Variants in RAB11FIP4 observed in about 807,000 individuals in gnomAD.
RAB11FIP4 encodes the protein rab11 family-interacting protein 4.
In RAB11FIP4, 23 loss-of-function variants were observed where a neutral mutation model predicts 74.3. The ratio of observed to expected loss-of-function variants is 0.31; its 90% CI spans 0.22 to 0.44. RAB11FIP4 has a LOEUF of 0.44. RAB11FIP4 is among the 20% of genes least tolerant of loss of function. The pLI is 1.00. For synonymous variants in RAB11FIP4, 360 were observed against 359.9 expected (o/e 1.00, Z 0.00); for missense variants, 630 against 863.9 (o/e 0.73, Z 3.39).
chr17:31,505,546 A>AT (rs58009598), intron 3 of RAB11FIP4, among the ~76,000 whole-genome samples: 1 of 88,986 alleles, frequency 1.1e-5, no homozygotes, highest in African/African-American at 4.8e-5. Flanking sequence ...ATTATATATT[A>AT]TATATAATAA....
intron 3 of RAB11FIP4, among the ~76,000 whole-genome samples, chr17:31,491,380 C>G (rs1477513163): frequency 6.6e-6 from 1 of 152,220 alleles, no homozygotes; most frequent in Non-Finnish European, 1.5e-5. Context: ...AGAACCCCTG[C>G]CTTCAAGGAG....
chr17:31,450,744 G>T (rs1357011864), intron 3 of RAB11FIP4, among the ~76,000 whole-genome samples: 2 of 149,204 alleles, frequency 1.3e-5, no homozygotes, highest in Non-Finnish European at 2.9e-5. Flanking sequence ...GGGCTCCCAA[G>T]ATAGTATTTT....
intron 1 of RAB11FIP4, among the ~76,000 whole-genome samples, chr17:31,423,155 G>A (rs542602409): frequency 5.1e-4 from 77 of 152,168 alleles, no homozygotes; most frequent in African/African-American, 1.7e-3. Flanking sequence ...TCCTGACCTC[G>A]TGATCCGCCC....
chr17:31,447,060 G>C (rs1037276541), intron 3 of RAB11FIP4, among the ~76,000 whole-genome samples: 6 of 152,112 alleles, frequency 3.9e-5, no homozygotes, highest in Admixed American at 2.6e-4. Context: ...CAAGGCGGGC[G>C]GATCACGAGG....
At chr17:31,515,656 G>A (rs2072532710) in intron 3 of RAB11FIP4, among the ~76,000 whole-genome samples, 1 of 152,086 alleles carries the variant, frequency 6.6e-6, no homozygotes, top group African/African-American at 2.4e-5. Context: ...GTAGTCTCGG[G>A]ACTGCAGGGT....
At chr17:31,517,994 T>C (rs2072592977) in intron 4 of RAB11FIP4, 117 bp downstream of exon 4, 1 of 753,916 alleles carries the variant, frequency 1.3e-6, no homozygotes, top group Non-Finnish European at 2.2e-6. Context: ...TCAGAGGCAT[T>C]AGTGTCATGG....
chr17:31,407,040 A>ATTTTTTTTTTTTTTTTTTTTTTT (rs59919036), intron 1 of RAB11FIP4, among the ~76,000 whole-genome samples: 3 of 51,208 alleles, frequency 5.9e-5, no homozygotes, highest in Non-Finnish European at 1.0e-4. Context: ...GTTTCACTTG[A>ATTTTTTTTTTTTTTTTTTTTTTT]TTTTTTTTTT....
At chr17:31,476,542 G>A (rs369935162) in intron 3 of RAB11FIP4, among the ~76,000 whole-genome samples, 30 of 152,320 alleles carry the variant, frequency 2.0e-4, no homozygotes, top group African/African-American at 5.5e-4. Context: ...GAGACTAGAC[G>A]AGCTACAGGT....
chr17:31,449,006 G>A (rs1415272976), intron 3 of RAB11FIP4, among the ~76,000 whole-genome samples: 2 of 152,132 alleles, frequency 1.3e-5, no homozygotes, highest in Non-Finnish European at 2.9e-5. Context: ...TTCCTGAGGA[G>A]ACAGGTCCCC....
rs546130037 is a variant in RAB11FIP4, at chr17:31,440,803, T to G, written c.336+6681T>G. On this transcript the variant is annotated intron_variant, in intron 3 of 14. Coordinates refer to ENST00000621161, the MANE Select transcript of RAB11FIP4 (RefSeq NM_032932.6). ...CACAAAAACAAATAAAAAAAACTGT[T>G]TTTTTGTTATTCTTACATATTTTCT... Among the ~76,000 whole-genome samples, 4 of 152,254 alleles carry G rather than the reference T, an allele frequency of 2.6e-5. No individual in the cohort carries two copies. The South Asian group carries it at 8.3e-4, about 32-fold the overall frequency.
intron 3 of RAB11FIP4, among the ~76,000 whole-genome samples, chr17:31,441,162 C>G (rs1455526486): frequency 6.6e-6 from 1 of 151,746 alleles, no homozygotes; most frequent in Non-Finnish European, 1.5e-5. Context: ...GTAGGTGGGA[C>G]TACAGGTGCC....
At chr17:31,396,560 C>T (rs71372269) in intron 1 of RAB11FIP4, among the ~76,000 whole-genome samples, 2,912 of 152,280 alleles carry the variant, frequency 0.019, 48 homozygotes, top group South Asian at 0.071. Context: ...TAAACACTTG[C>T]AAGCATTTTT....
At position 31,512,916 on chromosome 17, in the gene RAB11FIP4, C is replaced by A. The variant is rs2072478787; in HGVS notation, c.337-4735C>A. Among the ~76,000 whole-genome samples the A allele has an allele frequency of 1.3e-5, 2 of 152,088 alleles. No individual in the cohort carries two copies. The highest frequency in any genetic ancestry group is 1.5e-5 in the Non-Finnish European group (1 of 68,010). ...AGGCAGTCTTGGAAGCTGCCCTGGG[C>A]ACAGACCTTACTTGCTGACCCCGGC... On this transcript the variant is annotated intron_variant, in intron 3 of 14. Transcript: ENST00000621161. This position sits in a 1 kb window ranked among gnomAD's most constrained non-coding sequence, Gnocchi z 4.1.
intron 2 of RAB11FIP4, 60 bp from the exon 3 acceptor site, chr17:31,433,974 C>A: frequency 1.3e-6 from 2 of 1,485,052 alleles, no homozygotes; most frequent in Non-Finnish European, 1.8e-6. Context: ...AGAAGCAGAG[C>A]AGCCGTCCCA....
At chr17:31,455,971 A>G (rs1395931706) in intron 3 of RAB11FIP4, among the ~76,000 whole-genome samples, 2 of 152,256 alleles carry the variant, frequency 1.3e-5, no homozygotes, top group Non-Finnish European at 1.5e-5. Flanking sequence ...GACATGTGAT[A>G]TCGGAGAAAG....
chr17:31,446,834 C>T (rs940503645), intron 3 of RAB11FIP4, among the ~76,000 whole-genome samples: 11 of 152,074 alleles, frequency 7.2e-5, no homozygotes, highest in Non-Finnish European at 4.4e-5. Flanking sequence ...AAACATTGTC[C>T]AACATTAAAA....
chr17:31,450,321 T>TTTATTATTATTATTA lies in RAB11FIP4; in HGVS notation c.336+16226_336+16240dup, dbSNP rs67188813. The stretch of plus-strand genomic sequence containing the variant: ...CGCACACCACCCCCCCGCCACCGGC[T>TTTATTATTATTATTA]TTATTATTATTATTATTATTATTAT... On this transcript the variant is annotated intron_variant, in intron 3 of 14. Transcript: ENST00000621161. Among the ~76,000 whole-genome samples, 29 of 137,812 alleles carry TTTATTATTATTATTA rather than the reference T, an allele frequency of 2.1e-4. 1 individual carries two copies. Among genetic ancestry groups the TTTATTATTATTATTA allele is most frequent in the Admixed American group, 3.6e-4 (5 of 13,728 alleles). 90.4% of individuals were successfully genotyped at this position (137,812 alleles called of 152,430 possible). A position where few individuals can be genotyped will look rare whatever the true frequency, so the allele number is the denominator to read the frequency against.
chr17:31,517,639 T>C lies in RAB11FIP4; in HGVS notation c.337-12T>C, dbSNP rs764121186. 1 of 1,589,646 alleles carries C rather than the reference T, an allele frequency of 6.3e-7. No individual in the cohort carries two copies. The highest frequency in any genetic ancestry group is 1.3e-5 in the African/African-American group (1 of 74,818). ...GGCCTCACTTATCTTGTCTCTGCTCTCTCTTTCCCAGGGCAGCGAGGTCAC... is the reference window on the plus strand; with the variant it reads ...GGCCTCACTTATCTTGTCTCTGCTCCCTCTTTCCCAGGGCAGCGAGGTCAC... On this transcript the variant is annotated splice_polypyrimidine_tract_variant and intron_variant, in intron 3 of 14. Transcript: ENST00000621161.
chr17:31,402,877 G>T (rs1469669939), intron 1 of RAB11FIP4, among the ~76,000 whole-genome samples: 1 of 152,056 alleles, frequency 6.6e-6, no homozygotes, highest in Admixed American at 6.5e-5. Flanking sequence ...CACCCGCCTT[G>T]GCCTCCCAAA....
Sources: gnomAD v4.1 joint callset for allele counts (sites outside exome capture counted in the v4.1 genomes callset) on GRCh38, gnomAD v4.1.1 for gene constraint, Gnocchi (gnomAD v3.1) non-coding constraint, MANE v1.5 for transcripts, NCBI Gene and HGNC (gene_info 2026-07-23, HGNC 2026-07-21) for gene names.